Variants in BOLA3 observed in about 807,000 individuals in gnomAD.
BOLA3 encodes bolA family member 3.
A neutral mutation model predicts 14.5 loss-of-function variants in BOLA3; 8 were observed. The observed-to-expected ratio is 0.55, with a 90% confidence interval of 0.32 to 0.99. BOLA3 has a LOEUF of 0.99. BOLA3 is among the 50% of genes least tolerant of loss of function. BOLA3 has a pLI of 0.04. For missense variants in BOLA3, 115 were observed against 138.2 expected, an observed-to-expected ratio of 0.83 and a Z score of 0.84; for synonymous variants, 42 against 45.7, an observed-to-expected ratio of 0.92 and a Z score of 0.33.
Position 74,142,124 on chromosome 2 carries a change from G to A in BOLA3, c.258+148C>T, listed in dbSNP as rs1034241650. ...CCACAATGCAGATACTCCCAGATTCGATTTTTCTCAGGTCTTGAGTCCTGT... is the reference window on the plus strand; with the variant it reads ...CCACAATGCAGATACTCCCAGATTCAATTTTTCTCAGGTCTTGAGTCCTGT... On this transcript the variant is annotated intron_variant, in intron 3 of 3. Transcript: ENST00000327428. The A allele has an allele frequency of 7.5e-6, 5 of 666,502 alleles. No homozygotes were observed. In the East Asian group the frequency reaches 8.1e-5, roughly 11 times the overall value. The allele number at this position is 666,502 out of a possible 1,614,324, so 41.3% of individuals were successfully genotyped here.
At chr2:74,136,248 C>A (rs1397159057) in intron 3 of BOLA3, among the ~76,000 whole-genome samples, 1 of 152,126 alleles carries the variant, frequency 6.6e-6, no homozygotes, top group Non-Finnish European at 1.5e-5. Context: ...CTGCACCTGG[C>A]CAGTTTCTTG....
chr2:74,141,705 C>T (rs1166835306), intron 3 of BOLA3, among the ~76,000 whole-genome samples: 2 of 152,140 alleles, frequency 1.3e-5, no homozygotes, highest in African/African-American at 4.8e-5. Context: ...ATGCCAAACA[C>T]ACCCAGTGAG....
chr2:74,143,853 AT>A (rs3045552), intron 2 of BOLA3, among the ~76,000 whole-genome samples: 61,653 of 139,672 alleles, frequency 0.44, 13,757 homozygotes, highest in African/African-American at 0.6. Context: ...TGCCTGGCTA[AT>A]TTTTTTTTTT....
chr2:74,136,601 A>G (rs1692335667), intron 3 of BOLA3, among the ~76,000 whole-genome samples: 1 of 152,156 alleles, frequency 6.6e-6, no homozygotes, highest in Non-Finnish European at 1.5e-5. Flanking sequence ...TCCCCCAAAC[A>G]TCTATCTTGG....
intron 3 of BOLA3, among the ~76,000 whole-genome samples, chr2:74,140,791 A>G (rs1692424960): frequency 6.6e-6 from 1 of 152,242 alleles, no homozygotes; most frequent in South Asian, 2.1e-4. Flanking sequence ...CGTGTACTTT[A>G]TCACGAATCC....
chr2:74,147,318 A>G, intron 1 of BOLA3: 1 of 179,860 alleles, frequency 5.6e-6, no homozygotes, highest in Non-Finnish European at 1.2e-5. Flanking sequence ...GAAGCAAAGG[A>G]TGGTTCAGAA....
Position 74,135,453 on chromosome 2 carries a change from T to TTA in BOLA3, c.*138_*139dup. 1 of 1,263,560 alleles carries TTA rather than the reference T, an allele frequency of 7.9e-7. No homozygotes were observed. The highest frequency in any genetic ancestry group is 1.2e-5 in the South Asian group (1 of 81,518). 78.3% of individuals were successfully genotyped at this position (1,263,560 alleles called of 1,614,324 possible). A position where few individuals can be genotyped will look rare whatever the true frequency, so the allele number is the denominator to read the frequency against. On this transcript the variant is annotated 3_prime_UTR_variant, in exon 4 of 4. Coordinates refer to ENST00000327428, the MANE Select transcript of BOLA3 (RefSeq NM_212552.3). ...TTCCTTTAATTAACATCTAAATAGATTATACATCTTCTATAATTATAATAT... is the reference window on the plus strand; with the variant it reads ...TTCCTTTAATTAACATCTAAATAGATTATATACATCTTCTATAATTATAATAT...
chr2:74,142,937 TG>T (rs1692474205), intron 2 of BOLA3, among the ~76,000 whole-genome samples: 2 of 152,150 alleles, frequency 1.3e-5, no homozygotes, highest in Admixed American at 1.3e-4. Context: ...TCCTGGCTTT[TG>T]GGGGGAGAAC....
At chr2:74,139,270 C>G (rs965595799) in intron 3 of BOLA3, among the ~76,000 whole-genome samples, 15 of 152,168 alleles carry the variant, frequency 9.9e-5, no homozygotes, top group Non-Finnish European at 1.6e-4. Context: ...TCTACAGCAC[C>G]AGGATGAACA....
At chr2:74,142,398 A>T in intron 2 of BOLA3, 38 bp from the exon 3 acceptor site, 1 of 1,489,212 alleles carries the variant, frequency 6.7e-7, no homozygotes, top group Non-Finnish European at 9.4e-7. Flanking sequence ...TCAATTATTA[A>T]GTCATGGCAG....
chr2:74,135,786 CCTTT>C (rs1460149789), intron 3 of BOLA3, 128 bp from the exon 4 acceptor site: 3 of 765,028 alleles, frequency 3.9e-6, no homozygotes, highest in African/African-American at 1.8e-5. Flanking sequence ...AGCAATTTTT[CCTTT>C]TTTTGAAAAA....
chr2:74,137,085 T>C (rs1692347856), intron 3 of BOLA3, among the ~76,000 whole-genome samples: 1 of 152,250 alleles, frequency 6.6e-6, no homozygotes. Flanking sequence ...CTAGTCTCTT[T>C]AGTGATCTCC....
At chr2:74,145,917 G>A (rs828887) in intron 1 of BOLA3, 95,989 of 153,042 alleles carry the variant, frequency 0.63, 31,363 homozygotes, top group African/African-American at 0.82. Context: ...TGAAGAAGGA[G>A]TATCTGTAGG....
At chr2:74,136,399 A>G (rs1452279788) in intron 3 of BOLA3, among the ~76,000 whole-genome samples, 1 of 152,246 alleles carries the variant, frequency 6.6e-6, no homozygotes, top group African/African-American at 2.4e-5. Context: ...GGCCCATGAC[A>G]GCTTTGAATG....
intron 3 of BOLA3, among the ~76,000 whole-genome samples, chr2:74,139,726 G>A (rs1319619343): frequency 1.3e-5 from 2 of 152,186 alleles, no homozygotes; most frequent in African/African-American, 2.4e-5. Flanking sequence ...CTGTGGCCAG[G>A]CTCAGGGGAC....
At chr2:74,144,981 G>A (rs147927351) in intron 2 of BOLA3, among the ~76,000 whole-genome samples, 60 of 152,224 alleles carry the variant, frequency 3.9e-4, no homozygotes, top group Admixed American at 9.2e-4. Context: ...TCCCAGCTGC[G>A]CCTTGTCCTC....
At chr2:74,136,117 T>A (rs1295318501) in intron 3 of BOLA3, among the ~76,000 whole-genome samples, 1 of 152,134 alleles carries the variant, frequency 6.6e-6, no homozygotes, top group Non-Finnish European at 1.5e-5. Flanking sequence ...GCCTGGCTAA[T>A]TTTTTTATTT....
At chr2:74,141,231 G>T (rs912444229) in intron 3 of BOLA3, among the ~76,000 whole-genome samples, 2 of 152,200 alleles carry the variant, frequency 1.3e-5, no homozygotes, top group African/African-American at 4.8e-5. Context: ...CACATCCACT[G>T]CAAAGGGCTA....
chr2:74,141,945 A>G (rs1275321875), intron 3 of BOLA3, among the ~76,000 whole-genome samples: 1 of 152,222 alleles, frequency 6.6e-6, no homozygotes, highest in Non-Finnish European at 1.5e-5. Flanking sequence ...ACCCCTCTTC[A>G]GATCTACAAA....
Sources: allele counts gnomAD v4.1 joint callset (sites outside exome capture counted in the v4.1 genomes callset), GRCh38; gene constraint gnomAD v4.1.1; transcripts MANE v1.5; gene names NCBI Gene and HGNC (gene_info 2026-07-23, HGNC 2026-07-21).